Variants in EZH2 observed in about 807,000 individuals in gnomAD.
The protein encoded by EZH2 is histone-lysine N-methyltransferase EZH2.
In EZH2, 18 loss-of-function variants were observed where a neutral mutation model predicts 98.4. The ratio of observed to expected loss-of-function variants is 0.18; its 90% confidence interval spans 0.13 to 0.27. The LOEUF (loss-of-function observed/expected upper bound fraction) is 0.27. Ranked by LOEUF, EZH2 falls within the 10% of genes least tolerant of loss-of-function variation. The pLI is 1.00. For synonymous variants in EZH2, 338 were observed against 312.3 expected, an observed-to-expected ratio of 1.08 and a Z score of -0.87; for missense variants, 470 against 935.1, an observed-to-expected ratio of 0.50 and a Z score of 6.49.
chr7:148,882,248 CT>C (rs1348155601), intron 1 of EZH2, among the ~76,000 whole-genome samples: 1 of 152,066 alleles, frequency 6.6e-6, no homozygotes, highest in East Asian at 1.9e-4. Flanking sequence ...TTTATGAAAC[CT>C]TAAGTTAGCA....
intron 15 of EZH2, 55 bp downstream of exon 15, chr7:148,813,904 T>G (rs529242812): frequency 6.5e-7 from 1 of 1,547,550 alleles, no homozygotes; most frequent in African/African-American, 1.4e-5. Context: ...TCCTGACATT[T>G]GCATCACTAA....
intron 1 of EZH2, among the ~76,000 whole-genome samples, chr7:148,849,687 G>C (rs1815171295): frequency 6.6e-6 from 1 of 152,122 alleles, no homozygotes. Context: ...AGGACCAAAG[G>C]ACATCAAAGA....
rs867313993 is a variant in EZH2 at position 148,844,228 on chromosome 7, A to G, written c.246+2242T>C. Among the ~76,000 whole-genome samples the G allele has an allele frequency of 1.4e-4, 22 of 152,216 alleles. 1 individual carries two copies. Among genetic ancestry groups the G allele is most frequent in the Admixed American group, 9.8e-4 (15 of 15,284 alleles). The stretch of plus-strand genomic sequence containing the variant: ...TAAAAGAAATAATATGTAGATGGAA[A>G]TGCTTAAACGAAAGAAAAAATAAAC... On this transcript the variant is annotated intron_variant, in intron 3 of 19. Transcript: ENST00000320356.
intron 1 of EZH2, among the ~76,000 whole-genome samples, chr7:148,860,560 A>C (rs1223093645): frequency 6.6e-6 from 1 of 152,222 alleles, no homozygotes; most frequent in Non-Finnish European, 1.5e-5. Context: ...AACACCATTA[A>C]CACCATTCTT....
chr7:148,817,155 GACA>G (rs1209762832), intron 11 of EZH2, 64 bp downstream of exon 11: 48 of 1,430,916 alleles, frequency 3.4e-5, no homozygotes, highest in Admixed American at 1.2e-4. Flanking sequence ...TCTTTGTTTG[GACA>G]ACGAGTACAG....
Position 148,838,439 on chromosome 7 carries a change from G to A in EZH2, c.247-5689C>T, listed in dbSNP as rs77737640. On this transcript the variant is annotated intron_variant, in intron 3 of 19. Transcript: ENST00000320356. ...ATCATTCCCTCATCTGCAGCTTTGC[G>A]GAAAAACTCCAGTTTTGCTAAGTAC... Among the ~76,000 whole-genome samples the A allele has an allele frequency of 5.0e-3, 756 of 152,076 alleles. 4 individuals carry two copies. The highest frequency in any genetic ancestry group is 0.018 in the African/African-American group (726 of 41,470).
intron 1 of EZH2, among the ~76,000 whole-genome samples, chr7:148,870,732 C>A (rs1017785616): frequency 6.6e-6 from 1 of 150,698 alleles, no homozygotes; most frequent in Non-Finnish European, 1.5e-5. Context: ...CATCTTATTA[C>A]CAGCCAGGCC....
chr7:148,850,517 T>C (rs1377710742), intron 1 of EZH2: 3 of 765,736 alleles, frequency 3.9e-6, no homozygotes, highest in African/African-American at 1.9e-5. Context: ...TAAGACTAAA[T>C]AGGTAGACCT....
intron 8 of EZH2, among the ~76,000 whole-genome samples, chr7:148,820,688 A>G (rs1805804576): frequency 6.6e-6 from 1 of 152,230 alleles, no homozygotes; most frequent in Non-Finnish European, 1.5e-5. Context: ...ACGTTTGTTA[A>G]GGAACCCTAA....
chr7:148,851,101 G>A (rs1375845471), intron 1 of EZH2, among the ~76,000 whole-genome samples: 3 of 152,066 alleles, frequency 2.0e-5, no homozygotes, highest in Non-Finnish European at 2.9e-5. Flanking sequence ...CATGAATAAC[G>A]AGTAGCTTGT....
chr7:148,814,832 G>A (rs963482813), intron 14 of EZH2, 82 bp downstream of exon 14: 1 of 1,501,524 alleles, frequency 6.7e-7, no homozygotes, highest in African/African-American at 1.4e-5. Flanking sequence ...GTGCTCCCAT[G>A]TTCTTATTTT....
At chr7:148,873,743 C>T (rs1433292024) in intron 1 of EZH2, among the ~76,000 whole-genome samples, 2 of 151,278 alleles carry the variant, frequency 1.3e-5, no homozygotes, top group Non-Finnish European at 2.9e-5. Context: ...GAGAGGTCTC[C>T]CAAGTCCCAA....
At chr7:148,850,969 A>T (rs1815600695) in intron 1 of EZH2, among the ~76,000 whole-genome samples, 1 of 152,320 alleles carries the variant, frequency 6.6e-6, no homozygotes, top group Non-Finnish European at 1.5e-5. Flanking sequence ...CTCTCAAAAT[A>T]TCGTAACATT....
rs775295296 is a variant in EZH2, at chr7:148,817,374, G to C, written c.1258C>G (p.Gln420Glu). ...TTTGGCTTCATCTTTATTGGTGTTT[G>C]ACACCGAGAATTTGCTTCTACAAAA... ...SSSSEANSRC[Q>E]TPIKMKPNIE... is the part of the protein sequence containing the mutation. The change falls in exon 11 of 20, where the codon CAA becomes GAA. Residue 420 changes from glutamine to glutamate, a missense_variant. Gln to Glu is a conservative substitution (Grantham distance 29, BLOSUM62 2). Around this residue, in one of 6 missense-constraint regions of EZH2, gnomAD observed 192 missense variants for 306.8 expected, o/e 0.63. Transcript: ENST00000320356. 4.3e-6 allele frequency: 7 copies of C among 1,612,660 alleles called. No individual in the cohort carries two copies. Among genetic ancestry groups the C allele is most frequent in the Non-Finnish European group, 5.9e-6 (7 of 1,179,754 alleles).
intron 14 of EZH2, 127 bp downstream of exon 14, chr7:148,814,787 G>C: frequency 5.1e-6 from 6 of 1,184,518 alleles, no homozygotes; most frequent in Non-Finnish European, 6.9e-6. Flanking sequence ...ATAAATACTT[G>C]TCAAATTGAT....
intron 8 of EZH2, among the ~76,000 whole-genome samples, chr7:148,821,505 T>C (rs541630648): frequency 6.6e-6 from 1 of 152,256 alleles, no homozygotes; most frequent in East Asian, 1.9e-4. Context: ...TAATTTTTTT[T>C]AAAAAGAACT....
At chr7:148,844,974 T>C (rs796124690) in intron 3 of EZH2, among the ~76,000 whole-genome samples, 8 of 152,080 alleles carry the variant, frequency 5.3e-5, no homozygotes, top group African/African-American at 1.9e-4. Flanking sequence ...AAAAAAAGTG[T>C]AATACTCCTT....
chr7:148,859,175 C>T (rs895483864), intron 1 of EZH2, among the ~76,000 whole-genome samples: 4 of 152,106 alleles, frequency 2.6e-5, no homozygotes, highest in Non-Finnish European at 5.9e-5. Flanking sequence ...AAAATCTGTG[C>T]CCTTATACAG....
At chr7:148,877,680 C>T (rs1032443192) in intron 1 of EZH2, among the ~76,000 whole-genome samples, 9 of 152,300 alleles carry the variant, frequency 5.9e-5, no homozygotes, top group African/African-American at 1.7e-4. Context: ...TAGAACTCTA[C>T]TCTCCTCCCC....
Sources: allele counts gnomAD v4.1 joint callset (sites outside exome capture counted in the v4.1 genomes callset), GRCh38; gene constraint gnomAD v4.1.1; regional missense constraint gnomAD v4.1.1; transcripts MANE v1.5; gene names NCBI Gene and HGNC (gene_info 2026-07-23, HGNC 2026-07-21).